SMG6: variants seen among roughly 807,000 people sequenced by gnomAD.
SMG6 encodes the protein SMG6 nonsense mediated mRNA decay factor, also known as telomerase-binding protein EST1A.
Under a neutral mutation model 142.2 loss-of-function variants are expected in SMG6, and 66 were observed. That is an observed-to-expected ratio of 0.46 (90% CI 0.38 to 0.57). The LOEUF is 0.57. Ranked by LOEUF, SMG6 falls within the 20% of genes least tolerant of loss-of-function variation. The pLI, the probability that SMG6 is intolerant of heterozygous loss-of-function variation, is 0.00. For synonymous variants in SMG6, 779 were observed against 702.4 expected (o/e 1.11, Z -1.72); for missense variants, 1,793 against 1,832.0 (o/e 0.98, Z 0.39).
chr17:2,192,473 G>A (rs2072193758), intron 10 of SMG6, among the ~76,000 whole-genome samples: 1 of 152,130 alleles, frequency 6.6e-6, no homozygotes, highest in Admixed American at 6.5e-5. Context: ...TGGGGTCCAC[G>A]AGCCATTCCA....
chr17:2,281,064 C>T (rs1345119710), intron 8 of SMG6, among the ~76,000 whole-genome samples: 1 of 152,116 alleles, frequency 6.6e-6, no homozygotes, highest in Non-Finnish European at 1.5e-5. Context: ...TGATTGTATT[C>T]ATTTATTTTT....
At chr17:2,157,299 A>G (rs1014797504) in intron 13 of SMG6, among the ~76,000 whole-genome samples, 6 of 152,226 alleles carry the variant, frequency 3.9e-5, no homozygotes, top group African/African-American at 1.2e-4. Flanking sequence ...GACAAAGCAG[A>G]CAGACTCTAA....
chr17:2,276,005 C>T (rs1400856347), intron 8 of SMG6, among the ~76,000 whole-genome samples: 2 of 152,146 alleles, frequency 1.3e-5, no homozygotes, highest in Non-Finnish European at 2.9e-5. Flanking sequence ...CCACCTGAAG[C>T]CAAACTTTCT....
At chr17:2,063,078 ACTGG>A (rs1242182478) in intron 18 of SMG6, 2 of 152,240 alleles carry the variant, frequency 1.3e-5, no homozygotes, top group African/African-American at 4.8e-5. Context: ...CTCCCAGCTG[ACTGG>A]CTGCGTCTGT....
At position 2,245,220 on chromosome 17, in the gene SMG6, C is replaced by T. The variant is rs563477823; in HGVS notation, c.2662-501G>A. Reference sequence around the variant, plus strand: ...AGCTCATCAAATTGTACTTCACCAGCTTTAAAAACTAGAGTTCATGTTCTA... The same window carrying T: ...AGCTCATCAAATTGTACTTCACCAGTTTTAAAAACTAGAGTTCATGTTCTA... On this transcript the variant is annotated intron_variant, in intron 8 of 18. Coordinates refer to ENST00000263073, the MANE Select transcript of SMG6 (RefSeq NM_017575.5). 2.6e-5 allele frequency among the ~76,000 whole-genome samples: 4 copies of T among 152,264 alleles called. No homozygotes were observed. In the South Asian group the frequency reaches 8.3e-4, roughly 32 times the overall value.
chr17:2,211,382 G>A (rs1226662381), intron 10 of SMG6, among the ~76,000 whole-genome samples: 1 of 152,042 alleles, frequency 6.6e-6, no homozygotes, highest in Admixed American at 6.5e-5. Context: ...GGTGTTATTT[G>A]GGCCAGGCGC....
intron 13 of SMG6, among the ~76,000 whole-genome samples, chr17:2,115,316 C>T (rs889727985): frequency 1.3e-5 from 2 of 151,982 alleles, no homozygotes; most frequent in African/African-American, 2.4e-5. Flanking sequence ...TATAGACTGG[C>T]CCTAGTAAGG....
At chr17:2,117,011 A>G (rs557227560) in intron 13 of SMG6, among the ~76,000 whole-genome samples, 1 of 152,278 alleles carries the variant, frequency 6.6e-6, no homozygotes, top group African/African-American at 2.4e-5. Flanking sequence ...TTAAAATCAC[A>G]ATGAGAACAA....
At chr17:2,226,671 G>A (rs2073329898) in intron 10 of SMG6, among the ~76,000 whole-genome samples, 1 of 151,944 alleles carries the variant, frequency 6.6e-6, no homozygotes, top group Non-Finnish European at 1.5e-5. Flanking sequence ...AAGGCGGGTG[G>A]ATCACCTGAG....
At chr17:2,251,510 T>G (rs2074045221) in intron 8 of SMG6, among the ~76,000 whole-genome samples, 1 of 152,198 alleles carries the variant, frequency 6.6e-6, no homozygotes, top group Non-Finnish European at 1.5e-5. Flanking sequence ...GATGTCCCAC[T>G]TAAGATGGCT....
intron 9 of SMG6, among the ~76,000 whole-genome samples, chr17:2,243,960 T>C (rs2073871550): frequency 6.6e-6 from 1 of 152,204 alleles, no homozygotes; most frequent in African/African-American, 2.4e-5. Context: ...TGCTCTGGCG[T>C]GTAGGCATTA....
intron 10 of SMG6, 44 bp from the exon 11 acceptor site, chr17:2,188,559 G>A (rs1167944988): frequency 6.5e-7 from 1 of 1,544,896 alleles, no homozygotes. Flanking sequence ...AGGCGGACAA[G>A]ATGCACATCA....
At chr17:2,074,943 G>C (rs1398544505) in intron 15 of SMG6, among the ~76,000 whole-genome samples, 1 of 152,242 alleles carries the variant, frequency 6.6e-6, no homozygotes, top group Non-Finnish European at 1.5e-5. Context: ...TCTGTGGGAA[G>C]CCAGGCCCCC....
At chr17:2,094,491 G>A (rs951409039) in intron 13 of SMG6, among the ~76,000 whole-genome samples, 14 of 152,054 alleles carry the variant, frequency 9.2e-5, no homozygotes, top group African/African-American at 3.1e-4. Context: ...CACCTGTCTC[G>A]GCCTCCCAAA....
At position 2,085,739 on chromosome 17, in the gene SMG6, G is replaced by A. The variant is rs2068543563; in HGVS notation, c.3520C>T (p.Arg1174Ter). The A allele has an allele frequency of 1.9e-6, 3 of 1,613,790 alleles. No homozygotes were observed. Among genetic ancestry groups the A allele is most frequent in the Non-Finnish European group, 2.5e-6 (3 of 1,179,884 alleles). ...GKEMGSQEGT[R>*]LEDEEEDVVI... ...CCGCATAGTACCTCATCTTCCAGTCGTGTTCCCTCTTGGCTTCCCATTTCC... is the reference window on the plus strand; with the variant it reads ...CCGCATAGTACCTCATCTTCCAGTCATGTTCCCTCTTGGCTTCCCATTTCC... Residue 1174 changes from arginine (R) to a stop codon, truncating the protein, a stop_gained, in exon 14 of 19, where the codon CGA becomes TGA. Transcript: ENST00000263073. LOFTEE classifies it high-confidence loss of function. This position sits in a 1 kb window ranked among gnomAD's most constrained non-coding sequence, Gnocchi z 4.1.
chr17:2,194,441 C>T (rs892672850), intron 10 of SMG6, among the ~76,000 whole-genome samples: 22 of 152,286 alleles, frequency 1.4e-4, no homozygotes, highest in African/African-American at 5.1e-4. Context: ...AGCGAAATTA[C>T]ATGTAAAGCA....
In SMG6 at chr17:2,297,896, C is replaced by A. The variant is rs1417888729; in HGVS notation, c.2007G>T (p.Gln669His). 2 of 1,612,250 alleles carry A rather than the reference C, an allele frequency of 1.2e-6. No individual in the cohort carries two copies. Among genetic ancestry groups the A allele is most frequent in the Non-Finnish European group, 1.7e-6 (2 of 1,180,030 alleles). The change falls in exon 3 of 19, where the codon CAG becomes CAT. Residue 669 changes from glutamine to histidine, a missense_variant. Gln to His is a conservative substitution (Grantham distance 24). Transcript: ENST00000263073. ...AGAGCTCCAAAAGTCTGTTCCGAAT[C>A]TGTTCTGGGTTCTCAACATTCGGAT... ...VKDPNVENPE[Q>H]IRNRLLELLD...
rs1269231905 is a variant in SMG6, at chr17:2,232,031, G to GT, written c.2869+4460dup. ...AATAAAACAGTGTGTGCCTGAAGTGGTTTTGATTCCAGGAATTATAAAACA... is the reference window on the plus strand; with the variant it reads ...AATAAAACAGTGTGTGCCTGAAGTGGTTTTTGATTCCAGGAATTATAAAACA... On this transcript the variant is annotated intron_variant, in intron 10 of 18. Transcript: ENST00000263073. Among the ~76,000 whole-genome samples the GT allele has an allele frequency of 2.0e-5, 3 of 151,486 alleles. No individual in the cohort carries two copies. In the East Asian group the frequency reaches 5.9e-4, roughly 30 times the overall value.
chr17:2,105,165 A>T (rs2069121739), intron 13 of SMG6, among the ~76,000 whole-genome samples: 1 of 145,516 alleles, frequency 6.9e-6, no homozygotes, highest in Non-Finnish European at 1.5e-5. Flanking sequence ...GGACTCAAGC[A>T]ATCCTCCCGC....
Sources: allele counts gnomAD v4.1 joint callset (sites outside exome capture counted in the v4.1 genomes callset), GRCh38; gene constraint gnomAD v4.1.1; non-coding constraint Gnocchi (gnomAD v3.1); transcripts MANE v1.5; gene names NCBI Gene and HGNC (gene_info 2026-07-23, HGNC 2026-07-21).